The following P3H2 variants were observed in gnomAD, a reference collection of about 807,000 sequenced individuals.
P3H2 encodes leprecan-like 1.
P3H2 carries 80 observed loss-of-function variants against 87.0 expected under a neutral mutation model. That is an observed-to-expected ratio of 0.92 (90% CI 0.77 to 1.11). The LOEUF is 1.11. Among genes scored for constraint, P3H2 ranks in the 50% least tolerant of loss-of-function variants. The probability of loss-of-function intolerance (pLI) is 0.00; values close to 1 mark genes in which losing one functional copy is unlikely to be tolerated. For missense variants in P3H2, 1,001 were observed against 923.9 expected (o/e 1.08, Z -1.08); for synonymous variants, 367 against 359.3 (o/e 1.02, Z -0.24).
At chr3:190,079,435 T>C (rs1437173496) in intron 1 of P3H2, among the ~76,000 whole-genome samples, 1 of 152,028 alleles carries the variant, frequency 6.6e-6, no homozygotes, top group Non-Finnish European at 1.5e-5. Context: ...CACAAAGAAG[T>C]ATTGTGAGAA....
chr3:190,112,575 T>C (rs1054038590), intron 1 of P3H2, among the ~76,000 whole-genome samples: 4 of 150,004 alleles, frequency 2.7e-5, no homozygotes, highest in Non-Finnish European at 5.9e-5. Flanking sequence ...TCAGATGTAC[T>C]TTCATTGTGT....
chr3:190,115,426 A>AG (rs1186972908), intron 1 of P3H2, among the ~76,000 whole-genome samples: 1 of 143,474 alleles, frequency 7.0e-6, no homozygotes, highest in East Asian at 1.9e-4. Flanking sequence ...GAAAAGTGGG[A>AG]GAAAAAAAAA....
chr3:190,087,683 A>C (rs1727274393), intron 1 of P3H2, among the ~76,000 whole-genome samples: 1 of 152,198 alleles, frequency 6.6e-6, no homozygotes, highest in Non-Finnish European at 1.5e-5. Flanking sequence ...CAGATCTATA[A>C]AATTCCATAA....
rs1365270407 is a variant in P3H2, at chr3:189,964,108, A to C, written c.1894-10T>G. 3.1e-6 allele frequency: 5 copies of C among 1,613,286 alleles called. No individual in the cohort carries two copies. Among genetic ancestry groups the C allele is most frequent in the Non-Finnish European group, 4.2e-6 (5 of 1,179,320 alleles). ...TTGGTTTTATAGAGGCCTGAGAAAG[A>C]AAGCAAAAATTAGACTTTCAATTGT... On this transcript the variant is annotated splice_polypyrimidine_tract_variant and intron_variant, in intron 13 of 14. Coordinates refer to ENST00000319332, the MANE Select transcript of P3H2 (RefSeq NM_018192.4).
At chr3:190,100,846 T>C (rs1711600195) in intron 1 of P3H2, among the ~76,000 whole-genome samples, 1 of 152,124 alleles carries the variant, frequency 6.6e-6, no homozygotes, top group African/African-American at 2.4e-5. Context: ...ACTTTCCAGA[T>C]ATTGTTTTTC....
At chr3:190,109,236 G>A (rs531692114) in intron 1 of P3H2, among the ~76,000 whole-genome samples, 55 of 152,086 alleles carry the variant, frequency 3.6e-4, no homozygotes, top group African/African-American at 1.3e-3. Flanking sequence ...TCATTATCTC[G>A]TCATCCTTCT....
chr3:190,051,512 A>G (rs534582590), intron 1 of P3H2, among the ~76,000 whole-genome samples: 2 of 152,360 alleles, frequency 1.3e-5, no homozygotes, highest in African/African-American at 4.8e-5. Flanking sequence ...CCTTGCTTAA[A>G]GAAGAGCCAA....
intron 1 of P3H2, among the ~76,000 whole-genome samples, chr3:190,062,193 G>A (rs1411787991): frequency 6.6e-6 from 1 of 151,992 alleles, no homozygotes; most frequent in Non-Finnish European, 1.5e-5. Context: ...TCAAAATTAA[G>A]CTGCAATACT....
chr3:189,976,362 A>G (rs1306111905), intron 8 of P3H2, among the ~76,000 whole-genome samples: 2 of 152,220 alleles, frequency 1.3e-5, no homozygotes, highest in East Asian at 3.8e-4. Flanking sequence ...CCTCACAATC[A>G]TGGTGGAAGG....
chr3:190,089,111 C>T lies in P3H2; in HGVS notation c.480+31141G>A, dbSNP rs553561200. On this transcript the variant is annotated intron_variant, in intron 1 of 14. Transcript: ENST00000319332. The stretch of plus-strand genomic sequence containing the variant: ...TTATCTCCTAGGGCCAGCATTCATG[C>T]CAAGTGACTAAGGAAGTTTCCAAAT... 7.9e-5 allele frequency among the ~76,000 whole-genome samples: 12 copies of T among 152,244 alleles called. No homozygotes were observed. In the East Asian group the frequency reaches 2.3e-3, roughly 29 times the overall value.
intron 1 of P3H2, among the ~76,000 whole-genome samples, chr3:190,078,804 T>G (rs1177525096): frequency 6.6e-6 from 1 of 152,218 alleles, no homozygotes; most frequent in Non-Finnish European, 1.5e-5. Context: ...TTCCTTCCCA[T>G]GAAGACTTTG....
intron 1 of P3H2, among the ~76,000 whole-genome samples, chr3:190,069,561 T>C (rs1726627450): frequency 6.6e-6 from 1 of 152,202 alleles, no homozygotes; most frequent in South Asian, 2.1e-4. Flanking sequence ...GTCCTCCTCA[T>C]GTTTATCTCT....
chr3:190,100,257 C>G (rs866040721), intron 1 of P3H2, among the ~76,000 whole-genome samples: 5 of 134,918 alleles, frequency 3.7e-5, no homozygotes, highest in Admixed American at 7.2e-5. Flanking sequence ...GCCGCCCCCC[C>G]CCCCAAAAAA....
At chr3:190,098,669 A>T (rs931511771) in intron 1 of P3H2, among the ~76,000 whole-genome samples, 2 of 152,196 alleles carry the variant, frequency 1.3e-5, no homozygotes, top group African/African-American at 4.8e-5. Context: ...AAATCAAAAA[A>T]TAGTGTCTCG....
intron 1 of P3H2, among the ~76,000 whole-genome samples, chr3:190,031,697 T>C (rs1725258850): frequency 6.6e-6 from 1 of 151,766 alleles, no homozygotes; most frequent in East Asian, 1.9e-4. Context: ...TTTTCTAACT[T>C]TTAAGGAAAA....
intron 1 of P3H2, among the ~76,000 whole-genome samples, chr3:190,096,865 CTT>C (rs1216684188): frequency 6.6e-6 from 1 of 152,180 alleles, no homozygotes; most frequent in Non-Finnish European, 1.5e-5. Flanking sequence ...GAAAAGACAT[CTT>C]TTTATGAAAA....
At chr3:190,073,787 G>A (rs1484099643) in intron 1 of P3H2, among the ~76,000 whole-genome samples, 1 of 152,206 alleles carries the variant, frequency 6.6e-6, no homozygotes, top group African/African-American at 2.4e-5. Context: ...TGATTCAACT[G>A]CAATCAAGGA....
intron 13 of P3H2, among the ~76,000 whole-genome samples, chr3:189,964,413 C>T (rs1163786580): frequency 6.6e-6 from 1 of 152,192 alleles, no homozygotes; most frequent in East Asian, 1.9e-4. Flanking sequence ...GTTTTCCTCT[C>T]ATAATTCATT....
intron 1 of P3H2, among the ~76,000 whole-genome samples, chr3:190,084,959 A>AG (rs550625241): frequency 1.3e-5 from 2 of 151,868 alleles, no homozygotes; most frequent in Non-Finnish European, 2.9e-5. Flanking sequence ...ACAAAAAAAA[A>AG]AAAGAAAGAA....
Sources: allele counts gnomAD v4.1 joint callset (sites outside exome capture counted in the v4.1 genomes callset), GRCh38; gene constraint gnomAD v4.1.1; transcripts MANE v1.5; gene names NCBI Gene and HGNC (gene_info 2026-07-23, HGNC 2026-07-21).